The following CEP170B variants were observed in gnomAD, a reference collection of about 807,000 sequenced individuals.
CEP170B encodes centrosomal protein 170B.
Under a neutral mutation model 120.6 loss-of-function variants are expected in CEP170B, and 55 were observed. That is an observed-to-expected ratio of 0.46 (90% CI 0.37 to 0.57). The LOEUF (loss-of-function observed/expected upper bound fraction) is 0.57, where lower values mean the gene tolerates loss of function less well. Among genes scored for constraint, CEP170B ranks in the 20% least tolerant of loss-of-function variants. The pLI, the probability that CEP170B is intolerant of heterozygous loss-of-function variation, is 0.00. For synonymous variants in CEP170B, 1,033 were observed against 954.5 expected (o/e 1.08, Z -1.52); for missense variants, 2,212 against 2,253.3 (o/e 0.98, Z 0.37).
intron 3 of CEP170B, 49 bp from the exon 4 acceptor site, chr14:104,877,836 A>AC: frequency 1.7e-5 from 4 of 237,066 alleles, no homozygotes; most frequent in Non-Finnish European, 1.3e-5. Flanking sequence ...GCCCACAGCC[A>AC]CCCACCCGCG....
Position 104,868,649 on chromosome 14 carries a change from A to T in CEP170B, c.105+94A>T. 2 of 1,257,684 alleles carry T rather than the reference A, an allele frequency of 1.6e-6. No homozygotes were observed. The highest frequency in any genetic ancestry group is 2.2e-6 in the Non-Finnish European group (2 of 913,060). 77.9% of individuals were successfully genotyped at this position (1,257,684 alleles called of 1,614,324 possible). On this transcript the variant is annotated intron_variant, in intron 2 of 18. Transcript: ENST00000414716. The surrounding 1 kb of genome is among the most constrained non-coding windows in gnomAD (Gnocchi z 5.9). The stretch of plus-strand genomic sequence containing the variant: ...GTGCCCACCCCACTTGCTGCAGGCC[A>T]CCCTGGCGAGGAGGCCGCCATGCAG...
chr14:104,883,355 A>G lies in CEP170B; in HGVS notation c.898A>G (p.Lys300Glu), dbSNP rs2140689236. ...CCTGCGCCAGCGGCGGCCCCCGGGCAAGGAGGCCACACCTGGCGAGATGGT... is the reference window on the plus strand; with the variant it reads ...CCTGCGCCAGCGGCGGCCCCCGGGCGAGGAGGCCACACCTGGCGAGATGGT... ...FSLRQRRPPG[K>E]EATPGEMVSA... The change falls in exon 8 of 19, where the codon AAG becomes GAG. Residue 300 changes from lysine to glutamate, a missense_variant. Lys to Glu is a moderately conservative substitution (Grantham distance 56). This residue lies in a region of CEP170B where 2,166 missense variants were observed against 2,166.7 expected (regional missense o/e 1.00). Coordinates refer to ENST00000414716, the MANE Select transcript of CEP170B (RefSeq NM_001112726.3). 1 of 1,610,694 alleles carries G rather than the reference A, an allele frequency of 6.2e-7. No individual in the cohort carries two copies. Among genetic ancestry groups the G allele is most frequent in the East Asian group, 2.2e-5 (1 of 44,810 alleles).
rs199647851 is a variant in CEP170B, at chr14:104,886,784, C to A, written c.2545C>A (p.Arg849=). The stretch of plus-strand genomic sequence containing the variant: ...CAATGGGAGAATGGTCATCCAGCTA[C>A]GGCCTGGACGGTCCCCAGAACCCGA... ...SANGRMVIQL[R]PGRSPEPDGP... is the part of the protein sequence containing the mutation. Residue 849 remains arginine, a synonymous_variant, in exon 12 of 19, where the codon CGG becomes AGG. Transcript: ENST00000414716. 310 of 1,611,614 alleles carry A rather than the reference C, an allele frequency of 1.9e-4. No individual in the cohort carries two copies. The African/African-American group carries it at 3.9e-3, about 20-fold the overall frequency.
chr14:104,889,986 ATGGATGGATAGGAGGGTGGGTGGGTGGG>A (rs1896723856), intron 13 of CEP170B, among the ~76,000 whole-genome samples: 1 of 21,486 alleles, frequency 4.7e-5, no homozygotes, highest in Non-Finnish European at 1.2e-4. Context: ...GGGTGGGTGG[ATGGATGGATAGGAGGGTGGGTGGGTGGG>A]TGGATGGATG....
intron 6 of CEP170B, among the ~76,000 whole-genome samples, chr14:104,882,527 G>A (rs1370281193): frequency 6.6e-6 from 1 of 152,038 alleles, no homozygotes; most frequent in African/African-American, 2.4e-5. Flanking sequence ...GGGCCAGGCA[G>A]GGAGGGGCCA....
intron 2 of CEP170B, among the ~76,000 whole-genome samples, chr14:104,875,619 C>T (rs761175682): frequency 3.3e-5 from 5 of 151,978 alleles, no homozygotes; most frequent in African/African-American, 7.3e-5. Flanking sequence ...GGGCAGCAGC[C>T]GTGCTCGCAG....
In CEP170B at chr14:104,883,895, C is replaced by T. The variant is rs750999056; in HGVS notation, c.1116C>T (p.Ala372=). 142 of 1,587,212 alleles carry T rather than the reference C, an allele frequency of 8.9e-5. No homozygotes were observed. The East Asian group carries it at 1.0e-3, about 12-fold the overall frequency. Residue 372 remains alanine, a synonymous_variant, in exon 9 of 19, where the codon GCC becomes GCT. Transcript: ENST00000414716. ...ACCCCCTGGCCAAGGCGGCCTCGGC[C>T]GCTGGGGTGCCCTTGGAGGCCAGCG... ...SEDPLAKAAS[A]AGVPLEASGE... is the part of the protein sequence containing the mutation.
intron 12 of CEP170B, chr14:104,889,392 C>A: frequency 8.9e-7 from 1 of 1,120,168 alleles, no homozygotes; most frequent in Non-Finnish European, 1.2e-6. Flanking sequence ...GTGGGGGCAC[C>A]AGCCTCGACG....
In CEP170B at chr14:104,887,043, C is replaced by A. The variant is rs868716721; in HGVS notation, c.2804C>A (p.Ala935Asp). 3 of 1,611,204 alleles carry A rather than the reference C, an allele frequency of 1.9e-6. No homozygotes were observed. Among genetic ancestry groups the A allele is most frequent in the Non-Finnish European group, 2.5e-6 (3 of 1,179,822 alleles). The change falls in exon 12 of 19, where the codon GCC becomes GAC. Residue 935 changes from alanine to aspartate, a missense_variant. By Grantham distance (126) the Ala-to-Asp change is moderately radical. Coordinates refer to ENST00000414716, the MANE Select transcript of CEP170B (RefSeq NM_001112726.3). The stretch of plus-strand genomic sequence containing the variant: ...CGACTCCTCTCTAATTCTGTGGATG[C>A]CGAGTGTGAGGGGGGCAGCACCCCG... The part of the protein sequence containing the change: ...EARLLSNSVD[A>D]ECEGGSTPRP...
At chr14:104,866,207 G>C (rs1017677839) in intron 1 of CEP170B, among the ~76,000 whole-genome samples, 1 of 152,266 alleles carries the variant, frequency 6.6e-6, no homozygotes, top group African/African-American at 2.4e-5. Flanking sequence ...AGGGTGGGCG[G>C]CCGGGGCAGT....
rs1896953423 is a variant in CEP170B, at chr14:104,893,625, G to A, written c.4141G>A (p.Asp1381Asn). Residue 1381 changes from aspartate (D) to asparagine (N), a missense_variant, in exon 15 of 19, where the codon GAC becomes AAC. Asp to Asn is a conservative substitution (Grantham distance 23, BLOSUM62 1). Coordinates refer to ENST00000414716, the MANE Select transcript of CEP170B (RefSeq NM_001112726.3). Reference protein sequence around the residue: ...FDQNMNDSCEDALANKTRPRN... With the variant: ...FDQNMNDSCENALANKTRPRN... ...CCAGAACATGAACGACAGCTGTGAGGACGCCCTGGCCAACAAGACGCGGCC... is the reference window on the plus strand; with the variant it reads ...CCAGAACATGAACGACAGCTGTGAGAACGCCCTGGCCAACAAGACGCGGCC... 1 of 1,597,330 alleles carries A rather than the reference G, an allele frequency of 6.3e-7. No homozygotes were observed. Among genetic ancestry groups the A allele is most frequent in the Non-Finnish European group, 8.5e-7 (1 of 1,173,186 alleles).
Position 104,886,334 on chromosome 14 carries a change from C to T in CEP170B, c.2095C>T (p.Arg699Ter). 1.3e-6 allele frequency: 2 copies of T among 1,558,870 alleles called. No homozygotes were observed. The highest frequency in any genetic ancestry group is 1.7e-6 in the Non-Finnish European group (2 of 1,156,092). Residue 699 changes from arginine (R) to a stop codon, truncating the protein, a stop_gained, in exon 12 of 19, where the codon CGA becomes TGA. Coordinates refer to ENST00000414716, the MANE Select transcript of CEP170B (RefSeq NM_001112726.3). LOFTEE classifies it high-confidence loss of function. ...GGGGTCCCTGCCTGTGCGCATGCGG[C>T]GACGGCTCCCTCAGCTGCCCAGTGA... ...PEGSLPVRMR[R>*]RLPQLPSERA...
At chr14:104,873,762 C>T (rs543788896) in intron 2 of CEP170B, among the ~76,000 whole-genome samples, 1 of 152,266 alleles carries the variant, frequency 6.6e-6, no homozygotes, top group South Asian at 2.1e-4. Flanking sequence ...CAGCCCTTTC[C>T]AGAGGGGACA....
At position 104,894,358 on chromosome 14, in the gene CEP170B, A is replaced by G. The variant is rs1024455723; in HGVS notation, c.4345A>G (p.Ile1449Val). 1 of 1,613,478 alleles carries G rather than the reference A, an allele frequency of 6.2e-7. No homozygotes were observed. The highest frequency in any genetic ancestry group is 8.5e-7 in the Non-Finnish European group (1 of 1,179,834). Residue 1449 changes from isoleucine (I) to valine (V), a missense_variant, in exon 17 of 19, where the codon ATC becomes GTC. This residue lies in a region of CEP170B where 2,166 missense variants were observed against 2,166.7 expected (regional missense o/e 1.00). Transcript: ENST00000414716. The part of the protein sequence containing the change: ...ARINAENEVP[I>V]LKTSNKEISS... Reference sequence around the variant, plus strand: ...GATCAACGCCGAGAACGAGGTGCCCATCCTGAAGACATCTAACAAGGTGAG... The same window carrying G: ...GATCAACGCCGAGAACGAGGTGCCCGTCCTGAAGACATCTAACAAGGTGAG...
chr14:104,886,821 C>T lies in CEP170B; in HGVS notation c.2582C>T (p.Pro861Leu), dbSNP rs542223165. ...TCCCCAGAACCCGACGGCCCTGCCC[C>T]AGCCTTTCTCCGGCAAGAGAGCTTC... Reference protein sequence around the residue: ...GRSPEPDGPAPAFLRQESFTK... With the variant: ...GRSPEPDGPALAFLRQESFTK... The change falls in exon 12 of 19, where the codon CCA becomes CTA. Residue 861 changes from proline (P) to leucine (L), a missense_variant. Transcript: ENST00000414716. 6.2e-7 allele frequency: 1 copy of T among 1,611,338 alleles called. No individual in the cohort carries two copies. The highest frequency in any genetic ancestry group is 8.5e-7 in the Non-Finnish European group (1 of 1,179,820).
At chr14:104,881,016 C>T (rs571812315) in intron 6 of CEP170B, among the ~76,000 whole-genome samples, 120 of 152,292 alleles carry the variant, frequency 7.9e-4, no homozygotes, top group Non-Finnish European at 1.6e-3. Context: ...AGCTGGGCAC[C>T]CTCTGTCCCC....
At chr14:104,885,597 C>T in intron 10 of CEP170B, 55 bp downstream of exon 10, 1 of 1,506,886 alleles carries the variant, frequency 6.6e-7, no homozygotes, top group Non-Finnish European at 8.8e-7. Context: ...AGGGCAGCAT[C>T]CAAGCCGGAC....
At chr14:104,872,851 C>G (rs1895647850) in intron 2 of CEP170B, among the ~76,000 whole-genome samples, 1 of 152,226 alleles carries the variant, frequency 6.6e-6, no homozygotes, top group South Asian at 2.1e-4. Context: ...ACTTTGGGAA[C>G]ATCTTTATTC....
chr14:104,877,810 A>ACCCTGCGGC, intron 3 of CEP170B, 75 bp from the exon 4 acceptor site: 1 of 334,200 alleles, frequency 3.0e-6, no homozygotes, highest in Non-Finnish European at 4.4e-6. Context: ...GCTCAGCCCC[A>ACCCTGCGGC]CCACCCTGCG....
Sources: allele counts gnomAD v4.1 joint callset (sites outside exome capture counted in the v4.1 genomes callset), GRCh38; gene constraint gnomAD v4.1.1; regional missense constraint gnomAD v4.1.1; non-coding constraint Gnocchi (gnomAD v3.1); transcripts MANE v1.5; gene names NCBI Gene and HGNC (gene_info 2026-07-23, HGNC 2026-07-21).